The following TDRD12 variants were observed in gnomAD, a reference collection of about 807,000 sequenced individuals.
The protein encoded by TDRD12 is tudor domain containing 12.
In TDRD12, 158 loss-of-function variants were observed where a neutral mutation model predicts 133.5. The observed-to-expected ratio is 1.18, with a 90% CI of 1.04 to 1.35. TDRD12 has a LOEUF of 1.35. TDRD12 is among the 40% of genes most tolerant of loss of function. The pLI is 0.00. For synonymous variants in TDRD12, 460 were observed against 477.9 expected, an observed-to-expected ratio of 0.96 and a Z score of 0.49; for missense variants, 1,443 against 1,321.3, an observed-to-expected ratio of 1.09 and a Z score of -1.43.
chr19:32,800,550 A>T, intron 17 of TDRD12, 94 bp from the exon 18 acceptor site: 1 of 1,084,840 alleles, frequency 9.2e-7, no homozygotes. Flanking sequence ...TTTCCTATAC[A>T]TTCTTTTCTA....
intron 1 of TDRD12, among the ~76,000 whole-genome samples, chr19:32,727,084 C>T (rs907983448): frequency 6.6e-6 from 1 of 152,240 alleles, no homozygotes; most frequent in Non-Finnish European, 1.5e-5. Context: ...GTCTCCACAG[C>T]CTTGCCAACA....
exon 17 of TDRD12, chr19:32,800,345 G>A: frequency 1.3e-6 from 2 of 1,516,138 alleles, no homozygotes; most frequent in Non-Finnish European, 1.8e-6. Flanking sequence ...GCTCTCTATG[G>A]CAATGTCCAA....
At chr19:32,789,064 TG>T (rs1405023502) in intron 11 of TDRD12, among the ~76,000 whole-genome samples, 1 of 152,164 alleles carries the variant, frequency 6.6e-6, no homozygotes, top group Non-Finnish European at 1.5e-5. Context: ...TTCCTCGGGT[TG>T]GGGTGAGTGG....
At chr19:32,781,099 C>G (rs745638834) in intron 11 of TDRD12, among the ~76,000 whole-genome samples, 2 of 151,960 alleles carry the variant, frequency 1.3e-5, no homozygotes, top group Non-Finnish European at 2.9e-5. Flanking sequence ...CCCACCATCA[C>G]GCCTGGCTAA....
At chr19:32,789,507 G>A (rs993116082) in intron 11 of TDRD12, among the ~76,000 whole-genome samples, 3 of 152,124 alleles carry the variant, frequency 2.0e-5, no homozygotes, top group South Asian at 2.1e-4. Flanking sequence ...ATTTCATATC[G>A]ATGGGCTCAT....
chr19:32,755,890 T>C, intron 6 of TDRD12, 102 bp from the exon 7 acceptor site: 1 of 860,102 alleles, frequency 1.2e-6, no homozygotes. Context: ...TGTAAAATAA[T>C]TTCTCTGAAG....
Position 32,743,391 on chromosome 19 carries a change from C to T in TDRD12, c.440+491C>T, listed in dbSNP as rs1969493505. 4.0e-5 allele frequency among the ~76,000 whole-genome samples: 6 copies of T among 151,468 alleles called. No homozygotes were observed. In the South Asian group the frequency reaches 1.3e-3, roughly 32 times the overall value. On this transcript the variant is annotated intron_variant, in intron 4 of 27. Transcript: ENST00000444215. ...CCCCCACTCCCTCTCCCCACCGCCC[C>T]TCCGCTCTCCTCCCCTGCTCCCTTC...
At chr19:32,781,018 C>G (rs1469831404) in intron 11 of TDRD12, among the ~76,000 whole-genome samples, 1 of 150,614 alleles carries the variant, frequency 6.6e-6, no homozygotes, top group Non-Finnish European at 1.5e-5. Flanking sequence ...TCTCAGCTCA[C>G]TGCAAGCTCC....
rs75974458 is a variant in TDRD12, at chr19:32,728,594, G to A, written c.25-3131G>A. ...TTTCCTGTCTTACTGTACTAACTGG[G>A]ACCTTTAGTACAATGTTAGCGAGTA... On this transcript the variant is annotated intron_variant, in intron 1 of 27. Coordinates refer to ENST00000444215, the Ensembl canonical transcript of TDRD12. Among the ~76,000 whole-genome samples the A allele has an allele frequency of 8.6e-3, 1,297 of 150,354 alleles. 41 individuals are homozygous for A. In the East Asian group the frequency reaches 0.1, roughly 12 times the overall value.
At chr19:32,773,322 A>G (rs1189327672) in intron 9 of TDRD12, 134 bp from the exon 10 acceptor site, 21 of 766,156 alleles carry the variant, frequency 2.7e-5, no homozygotes, top group African/African-American at 1.6e-4. Context: ...TTATCTCTCT[A>G]TCTCTGTGTG....
intron 1 of TDRD12, among the ~76,000 whole-genome samples, chr19:32,721,688 T>TTATGTTATGTTATGTTATGTTATGTTATG (rs1568440272): frequency 3.6e-5 from 5 of 140,408 alleles, no homozygotes; most frequent in African/African-American, 1.4e-4. Flanking sequence ...CCTATTTTAT[T>TTATGTTATGTTATGTTATGTTATGTTATG]TTATTTTATT....
chr19:32,821,391 T>TGC (rs1480851478), downstream of TDRD12: 1 of 427,376 alleles, frequency 2.3e-6, no homozygotes, highest in South Asian at 3.6e-5. Flanking sequence ...TGTGTGTGTG[T>TGC]GTGTGTGTGT....
At chr19:32,728,670 A>G (rs1395938298) in intron 1 of TDRD12, among the ~76,000 whole-genome samples, 1 of 133,380 alleles carries the variant, frequency 7.5e-6, no homozygotes, top group Non-Finnish European at 1.6e-5. Flanking sequence ...TTTGTGACAG[A>G]GTCTCACTCT....
chr19:32,769,902 T>C (rs543347388), intron 8 of TDRD12, among the ~76,000 whole-genome samples: 4 of 152,120 alleles, frequency 2.6e-5, no homozygotes, highest in African/African-American at 9.6e-5. Context: ...TCCCAAAGTG[T>C]TGGGATTATA....
intron 21 of TDRD12, among the ~76,000 whole-genome samples, chr19:32,805,004 G>C (rs1452753148): frequency 6.6e-6 from 1 of 151,616 alleles, no homozygotes; most frequent in Non-Finnish European, 1.5e-5. Context: ...TATTAAATTA[G>C]TTTGTATGTA....
chr19:32,827,372 C>CTTTTCTTTTCTTTTCTTTTTTT (rs61327156), exon 10 of TDRD12: 1 of 119,008 alleles, frequency 8.4e-6, no homozygotes, highest in African/African-American at 7.0e-5. Flanking sequence ...CTTTTCTTTT[C>CTTTTCTTTTCTTTTCTTTTTTT]TTTTTTTTTT....
intron 21 of TDRD12, among the ~76,000 whole-genome samples, chr19:32,806,740 C>G (rs1971562214): frequency 6.6e-6 from 1 of 152,132 alleles, no homozygotes; most frequent in Non-Finnish European, 1.5e-5. Context: ...TCACTGCAAC[C>G]TCTGCGTCCT....
intron 14 of TDRD12, among the ~76,000 whole-genome samples, chr19:32,795,151 A>G (rs1041296938): frequency 2.0e-5 from 3 of 152,124 alleles, no homozygotes; most frequent in Admixed American, 1.3e-4. Flanking sequence ...CCTGGCCAAC[A>G]TGGTGAAACC....
exon 28 of TDRD12, chr19:32,821,115 A>T: frequency 6.5e-7 from 1 of 1,536,006 alleles, no homozygotes; most frequent in Non-Finnish European, 8.7e-7. Flanking sequence ...TGAGTCCAAG[A>T]CGAGCTCAGA....
Sources: gnomAD v4.1 joint callset for allele counts (sites outside exome capture counted in the v4.1 genomes callset) on GRCh38, gnomAD v4.1.1 for gene constraint, MANE v1.5 for transcripts, NCBI Gene and HGNC (gene_info 2026-07-23, HGNC 2026-07-21) for gene names.